The following KIAA0753 variants were observed in gnomAD, a reference collection of about 807,000 sequenced individuals.
The protein encoded by KIAA0753 is KIAA0753.
Under a neutral mutation model 116.9 loss-of-function variants are expected in KIAA0753, and 114 were observed. The observed-to-expected ratio is 0.98, with a 90% confidence interval of 0.84 to 1.14. The LOEUF (loss-of-function observed/expected upper bound fraction) is 1.14, where lower values mean the gene tolerates loss of function less well. KIAA0753 is among the 50% of genes most tolerant of loss of function. The pLI is 0.00. For synonymous variants in KIAA0753, 405 were observed against 413.1 expected, an observed-to-expected ratio of 0.98 and a Z score of 0.24; for missense variants, 1,156 against 1,172.4, an observed-to-expected ratio of 0.99 and a Z score of 0.20.
At position 6,578,421 on chromosome 17, in the gene KIAA0753, C is replaced by G. The variant is rs1192359177; in HGVS notation, c.*1326G>C. The G allele has an allele frequency of 6.6e-6, 1 of 152,198 alleles. No homozygotes were observed. Among genetic ancestry groups the G allele is most frequent in the African/African-American group, 2.4e-5 (1 of 41,448 alleles). The allele number at this position is 152,198 out of a possible 1,614,324, so 9.4% of individuals were successfully genotyped here. A position where few individuals can be genotyped will look rare whatever the true frequency, so the allele number is the denominator to read the frequency against. On this transcript the variant is annotated 3_prime_UTR_variant, in exon 19 of 19. Coordinates refer to ENST00000361413, the MANE Select transcript of KIAA0753 (RefSeq NM_014804.3). ...GCAACAACCGGTGCTCCTATTAATT[C>G]AAGTGTACACATTTAACTCCCCAGG...
intron 6 of KIAA0753, among the ~76,000 whole-genome samples, 176 bp downstream of exon 6, chr17:6,622,706 C>A (rs1362414888): frequency 6.6e-6 from 1 of 152,208 alleles, no homozygotes; most frequent in African/African-American, 2.4e-5. Context: ...TACGATAATA[C>A]AGACTACACT....
chr17:6,589,315 AGCC>A (rs1968814136), intron 18 of KIAA0753, among the ~76,000 whole-genome samples: 1 of 152,204 alleles, frequency 6.6e-6, no homozygotes, highest in Non-Finnish European at 1.5e-5. Flanking sequence ...GCCATCTGCA[AGCC>A]AGGAAGAGGG....
At position 6,613,917 on chromosome 17, in the gene KIAA0753, T is replaced by C. The variant is rs11078640; in HGVS notation, c.1316-1769A>G. 3.2e-3 allele frequency among the ~76,000 whole-genome samples: 480 copies of C among 152,274 alleles called. 5 individuals carry two copies. Among genetic ancestry groups the C allele is most frequent in the African/African-American group, 0.011 (453 of 41,568 alleles). ...GACAAAAAGATATCCTTAAAGTCAA[T>C]AGACAAGCCAAAGTCCAGAAGTAGA... On this transcript the variant is annotated intron_variant, in intron 7 of 18. Coordinates refer to ENST00000361413, the MANE Select transcript of KIAA0753 (RefSeq NM_014804.3).
intron 2 of KIAA0753, 51 bp downstream of exon 2, chr17:6,634,960 T>A: frequency 8.2e-7 from 1 of 1,219,746 alleles, no homozygotes; most frequent in Non-Finnish European, 1.2e-6. Flanking sequence ...TCTTTCAAAT[T>A]TTATGTTTGA....
At chr17:6,600,291 T>TA (rs1491201600) in intron 13 of KIAA0753, 89 bp downstream of exon 13, 1 of 973,722 alleles carries the variant, frequency 1.0e-6, no homozygotes, top group Non-Finnish European at 1.6e-6. Flanking sequence ...CACTTAGCCC[T>TA]ATAAAGGATC....
intron 7 of KIAA0753, among the ~76,000 whole-genome samples, chr17:6,612,377 C>T (rs1970612508): frequency 6.6e-6 from 1 of 152,200 alleles, no homozygotes; most frequent in Non-Finnish European, 1.5e-5. Flanking sequence ...CATATTTACT[C>T]ATTTACCTGG....
At chr17:6,610,270 C>T (rs981206343) in intron 8 of KIAA0753, 110 bp from the exon 9 acceptor site, 10 of 1,035,922 alleles carry the variant, frequency 9.7e-6, no homozygotes, top group African/African-American at 7.3e-5. Context: ...TGCATCCATT[C>T]GGTAAAACCT....
intron 3 of KIAA0753, among the ~76,000 whole-genome samples, chr17:6,627,477 G>A (rs1971743496): frequency 6.6e-6 from 1 of 152,056 alleles, no homozygotes; most frequent in Non-Finnish European, 1.5e-5. Context: ...TCTGAAAGCT[G>A]GGCTTGGTTC....
At chr17:6,608,225 A>T (rs1212217071) in intron 10 of KIAA0753, 123 bp downstream of exon 10, 6 of 448,130 alleles carry the variant, frequency 1.3e-5, no homozygotes, top group African/African-American at 2.0e-5. Context: ...TTCTATTTTT[A>T]AAAATAATCT....
chr17:6,581,804 G>C (rs868783410), intron 18 of KIAA0753, among the ~76,000 whole-genome samples: 6 of 152,134 alleles, frequency 3.9e-5, no homozygotes, highest in African/African-American at 1.4e-4. Context: ...TGCCTCTTGG[G>C]AACTCCTGTG....
chr17:6,594,901 T>C, intron 16 of KIAA0753, 71 bp downstream of exon 16: 1 of 1,179,092 alleles, frequency 8.5e-7, no homozygotes, highest in Non-Finnish European at 1.3e-6. Context: ...CTATACAATT[T>C]TTTCAATTTT....
In KIAA0753 at chr17:6,590,620, G is replaced by C. The variant is rs1968923247; in HGVS notation, c.2451C>G (p.Ile817Met). The C allele has an allele frequency of 6.2e-7, 1 of 1,613,764 alleles. No individual in the cohort carries two copies. Among genetic ancestry groups the C allele is most frequent in the Admixed American group, 1.7e-5 (1 of 60,002 alleles). Residue 817 changes from isoleucine to methionine, a missense_variant, in exon 17 of 19, where the codon ATC becomes ATG. Coordinates refer to ENST00000361413, the MANE Select transcript of KIAA0753 (RefSeq NM_014804.3). Reference sequence around the variant, plus strand: ...ATAGAGGCTTTTCACTTATTGCTGAGATTTTTTGGTCTAGAAAAGGAGGGT... The same window carrying C: ...ATAGAGGCTTTTCACTTATTGCTGACATTTTTTGGTCTAGAAAAGGAGGGT... ...WMQEENNDQK[I>M]SAISEKPLSP...
rs370770168 is a variant in KIAA0753 at position 6,610,049 on chromosome 17, G to A, written c.1657C>T (p.Arg553Cys). ...TTTGGGGGTATCCATGGTGCCTTGC[G>A]GTCTTTCACAGGCTGCCGGTTCATT... ...LKMNRQPVKD[R>C]KAPWIPPNPT... Residue 553 changes from arginine to cysteine, a missense_variant, in exon 9 of 19, where the codon CGC becomes TGC. Transcript: ENST00000361413. 96 of 1,613,960 alleles carry A rather than the reference G, an allele frequency of 5.9e-5. No homozygotes were observed. Among genetic ancestry groups the A allele is most frequent in the Admixed American group, 2.0e-4 (12 of 59,980 alleles).
chr17:6,632,232 C>T (rs77395535), intron 2 of KIAA0753, among the ~76,000 whole-genome samples: 2,206 of 152,196 alleles, frequency 0.014, 45 homozygotes, highest in Non-Finnish European at 0.019. Context: ...ATAAAGTGGT[C>T]AAAGACTGAT....
At position 6,579,635 on chromosome 17, in the gene KIAA0753, A is replaced by G. The variant is rs1967992771; in HGVS notation, c.*112T>C. On this transcript the variant is annotated 3_prime_UTR_variant, in exon 19 of 19. Transcript: ENST00000361413. ...CACTGCCTTCCTTTCAGTGGGCAGC[A>G]CCTTCTGGGCCTGGATGGACAGCTG... 1 of 737,640 alleles carries G rather than the reference A, an allele frequency of 1.4e-6. No homozygotes were observed. The allele number at this position is 737,640 out of a possible 1,614,324, so 45.7% of individuals were successfully genotyped here.
At chr17:6,617,703 T>C (rs1342157172) in intron 7 of KIAA0753, among the ~76,000 whole-genome samples, 1 of 152,206 alleles carries the variant, frequency 6.6e-6, no homozygotes, top group Non-Finnish European at 1.5e-5. Context: ...ATGCCATGAT[T>C]AGAAGCTTGG....
chr17:6,629,303 C>A (rs975729702), intron 2 of KIAA0753, among the ~76,000 whole-genome samples: 4 of 152,178 alleles, frequency 2.6e-5, no homozygotes, highest in Non-Finnish European at 5.9e-5. Context: ...ATAATAAATA[C>A]AAGTTTTGTT....
intron 8 of KIAA0753, among the ~76,000 whole-genome samples, chr17:6,611,163 G>A (rs1885436082): frequency 6.6e-6 from 1 of 152,204 alleles, no homozygotes; most frequent in African/African-American, 2.4e-5. Flanking sequence ...GTTTTAAACA[G>A]AAGCTTAAAA....
At chr17:6,636,569 G>C (rs1482323059) in intron 1 of KIAA0753, 1 of 152,400 alleles carries the variant, frequency 6.6e-6, no homozygotes, top group African/African-American at 2.4e-5. Flanking sequence ...CCTGTACAAA[G>C]TTCTGGGACT....
Sources: allele counts gnomAD v4.1 joint callset (sites outside exome capture counted in the v4.1 genomes callset), GRCh38; gene constraint gnomAD v4.1.1; transcripts MANE v1.5; gene names NCBI Gene and HGNC (gene_info 2026-07-23, HGNC 2026-07-21).